CUL3: variants seen among roughly 807,000 people sequenced by gnomAD.
The protein encoded by CUL3 is cullin 3.
A neutral mutation model predicts 89.1 loss-of-function variants in CUL3; 19 were observed. That is an observed-to-expected ratio of 0.21 (90% CI 0.15 to 0.31). The LOEUF (loss-of-function observed/expected upper bound fraction) is 0.31. Ranked by LOEUF, CUL3 falls within the 10% of genes least tolerant of loss-of-function variation. CUL3 has a pLI of 1.00. For synonymous variants in CUL3, 351 were observed against 308.4 expected (o/e 1.14, Z -1.45); for missense variants, 469 against 942.3 (o/e 0.50, Z 6.58).
chr2:224,577,720 T>C (rs1439365203), intron 1 of CUL3, among the ~76,000 whole-genome samples: 1 of 152,192 alleles, frequency 6.6e-6, no homozygotes, highest in Non-Finnish European at 1.5e-5. Flanking sequence ...AAATGAAAAT[T>C]CTCTACAGAC....
At chr2:224,572,358 C>T (rs762661686) in intron 1 of CUL3, among the ~76,000 whole-genome samples, 1 of 151,922 alleles carries the variant, frequency 6.6e-6, no homozygotes, top group African/African-American at 2.4e-5. Flanking sequence ...TTAAAAGGTA[C>T]GGCAATGCAG....
chr2:224,490,050 A>G (rs1376145112), intron 13 of CUL3, among the ~76,000 whole-genome samples: 1 of 152,246 alleles, frequency 6.6e-6, no homozygotes, highest in African/African-American at 2.4e-5. Context: ...GGATATGAAC[A>G]GACACTTCTC....
At chr2:224,525,321 G>C (rs1472437091) in intron 3 of CUL3, among the ~76,000 whole-genome samples, 1 of 152,122 alleles carries the variant, frequency 6.6e-6, no homozygotes, top group Non-Finnish European at 1.5e-5. Context: ...AAATTCAAAG[G>C]CTTAAATCCA....
In CUL3 at chr2:224,503,664, T is replaced by C. The variant is rs764528056; in HGVS notation, c.1365A>G (p.Ile455Met). The C allele has an allele frequency of 6.3e-7, 1 of 1,587,756 alleles. No individual in the cohort carries two copies. Among genetic ancestry groups the C allele is most frequent in the Non-Finnish European group, 8.5e-7 (1 of 1,170,304 alleles). ...SVSDDSEKNMISKLKTECGCQ... is the reference protein window; with the variant it reads ...SVSDDSEKNMMSKLKTECGCQ... ...AAACACACCTTACCTTTAACTTAGA[T>C]ATCATGTTTTTTTCAGAGTCATCAG... Residue 455 changes from isoleucine to methionine, a missense_variant, in exon 9 of 16, where the codon ATA becomes ATG. Transcript: ENST00000264414.
intron 2 of CUL3, among the ~76,000 whole-genome samples, chr2:224,550,349 C>G (rs1246690826): frequency 1.3e-5 from 2 of 152,170 alleles, no homozygotes; most frequent in African/African-American, 4.8e-5. Flanking sequence ...GTGACTCCAT[C>G]ACATGAGATA....
intron 1 of CUL3, among the ~76,000 whole-genome samples, chr2:224,575,092 T>C (rs1048978256): frequency 8.5e-5 from 13 of 152,220 alleles, no homozygotes; most frequent in Non-Finnish European, 1.3e-4. Flanking sequence ...AGATGCAGAT[T>C]AAATAATATA....
At chr2:224,530,556 A>G (rs1693660794) in intron 3 of CUL3, among the ~76,000 whole-genome samples, 2 of 152,246 alleles carry the variant, frequency 1.3e-5, no homozygotes, top group African/African-American at 4.8e-5. Context: ...GTTTGTCAAA[A>G]ATCATTTTGT....
At chr2:224,554,885 C>T (rs1287940286) in intron 2 of CUL3, among the ~76,000 whole-genome samples, 1 of 152,206 alleles carries the variant, frequency 6.6e-6, no homozygotes. Flanking sequence ...AAACAAAACT[C>T]TTCCACTTGT....
At chr2:224,534,944 T>C (rs1469681169) in intron 3 of CUL3, among the ~76,000 whole-genome samples, 2 of 151,428 alleles carry the variant, frequency 1.3e-5, no homozygotes, top group African/African-American at 4.8e-5. Flanking sequence ...GAGCTTGCAG[T>C]GAGCCGAGAT....
chr2:224,585,167 C>A lies in CUL3; in HGVS notation c.-158G>T. ...CTGGCCGGCCCCTGGGCAGCCGCGG[C>A]GGCGGCGGGGGCGGCGGCGGCGGCG... On this transcript the variant is annotated 5_prime_UTR_variant, in exon 1 of 16. Transcript: ENST00000264414. 3.3e-6 allele frequency: 1 copy of A among 303,786 alleles called. No individual in the cohort carries two copies. The highest frequency in any genetic ancestry group is 4.9e-6 in the Non-Finnish European group (1 of 202,098). 18.8% of individuals were successfully genotyped at this position (303,786 alleles called of 1,614,324 possible).
intron 2 of CUL3, among the ~76,000 whole-genome samples, chr2:224,555,363 C>A (rs1694661768): frequency 6.6e-6 from 1 of 152,094 alleles, no homozygotes; most frequent in South Asian, 2.1e-4. Flanking sequence ...CATTTCTAGC[C>A]TATCACTTTA....
intron 10 of CUL3, among the ~76,000 whole-genome samples, 196 bp from the exon 11 acceptor site, chr2:224,500,683 T>C (rs530901235): frequency 1.3e-5 from 2 of 149,140 alleles, no homozygotes; most frequent in African/African-American, 5.0e-5. Context: ...CGGAATGCAA[T>C]GGCACGATCT....
At chr2:224,497,936 T>TG in intron 11 of CUL3, 87 bp from the exon 12 acceptor site, 1 of 922,992 alleles carries the variant, frequency 1.1e-6, no homozygotes, top group Non-Finnish European at 1.7e-6. Context: ...CCTTAAACAT[T>TG]TGTGTGTGTG....
intron 1 of CUL3, among the ~76,000 whole-genome samples, chr2:224,579,982 A>G (rs1695396128): frequency 6.6e-6 from 1 of 152,216 alleles, no homozygotes; most frequent in Non-Finnish European, 1.5e-5. Context: ...TAAAGATAAT[A>G]AAAGGTTCAC....
intron 6 of CUL3, among the ~76,000 whole-genome samples, chr2:224,508,496 T>C (rs1692687090): frequency 6.6e-6 from 1 of 152,228 alleles, no homozygotes; most frequent in African/African-American, 2.4e-5. Flanking sequence ...ATTTCAATCC[T>C]ATGTTGTTGT....
At chr2:224,510,598 C>G (rs545316766) in intron 6 of CUL3, among the ~76,000 whole-genome samples, 1 of 152,010 alleles carries the variant, frequency 6.6e-6, no homozygotes, top group East Asian at 1.9e-4. Flanking sequence ...GAACAAAGTA[C>G]CATGTTTTTT....
At chr2:224,529,507 T>C (rs914656716) in intron 3 of CUL3, among the ~76,000 whole-genome samples, 11 of 149,450 alleles carry the variant, frequency 7.4e-5, no homozygotes, top group Admixed American at 4.7e-4. Flanking sequence ...TGGGTGCCTG[T>C]AGTCCCAGCT....
At chr2:224,550,120 C>T (rs1271641644) in intron 2 of CUL3, among the ~76,000 whole-genome samples, 1 of 152,136 alleles carries the variant, frequency 6.6e-6, no homozygotes. Flanking sequence ...GCTTTAAATA[C>T]AGGTTGGGTA....
chr2:224,535,924 T>C (rs1421629224), intron 2 of CUL3, among the ~76,000 whole-genome samples: 1 of 152,166 alleles, frequency 6.6e-6, no homozygotes, highest in Non-Finnish European at 1.5e-5. Context: ...AGTAAAATCC[T>C]ATATTCTTAT....
Sources: allele counts gnomAD v4.1 joint callset (sites outside exome capture counted in the v4.1 genomes callset), GRCh38; gene constraint gnomAD v4.1.1; transcripts MANE v1.5; gene names NCBI Gene and HGNC (gene_info 2026-07-23, HGNC 2026-07-21).